Variants in SMG6 observed in about 807,000 individuals in gnomAD.
SMG6 encodes the protein SMG6 nonsense mediated mRNA decay factor, also known as telomerase-binding protein EST1A.
In SMG6, 66 loss-of-function variants were observed where a neutral mutation model predicts 142.2. The ratio of observed to expected loss-of-function variants is 0.46; its 90% confidence interval spans 0.38 to 0.57. SMG6 has a LOEUF of 0.57. Ranked by LOEUF, SMG6 falls within the 20% of genes least tolerant of loss-of-function variation. The pLI, the probability that SMG6 is intolerant of heterozygous loss-of-function variation, is 0.00. For synonymous variants in SMG6, 779 were observed against 702.4 expected, an observed-to-expected ratio of 1.11 and a Z score of -1.72; for missense variants, 1,793 against 1,832.0, an observed-to-expected ratio of 0.98 and a Z score of 0.39.
chr17:2,145,457 C>T (rs915791348), intron 13 of SMG6, among the ~76,000 whole-genome samples: 1 of 151,424 alleles, frequency 6.6e-6, no homozygotes, highest in Non-Finnish European at 1.5e-5. Context: ...GAAGGTTGTT[C>T]AGTGTATCTA....
chr17:2,299,366 G>C lies in SMG6; in HGVS notation c.1387C>G (p.Gln463Glu). ...RRLWDPNNPD[Q>E]KPALKTQTPQ... is the part of the protein sequence containing the mutation. ...GTCTGAGTCTTTAGAGCAGGTTTCT[G>C]ATCAGGATTGTTTGGGTCCCACAAT... The change falls in exon 2 of 19, where the codon CAG becomes GAG. Residue 463 changes from glutamine (Q) to glutamate (E), a missense_variant. Transcript: ENST00000263073. This position sits in a 1 kb window ranked among gnomAD's most constrained non-coding sequence, Gnocchi z 4.3. 1.2e-6 allele frequency: 2 copies of C among 1,614,032 alleles called. No individual in the cohort carries two copies. The highest frequency in any genetic ancestry group is 1.7e-6 in the Non-Finnish European group (2 of 1,180,036).
intron 13 of SMG6, among the ~76,000 whole-genome samples, chr17:2,088,995 C>A (rs185153955): frequency 6.6e-6 from 1 of 152,166 alleles, no homozygotes; most frequent in South Asian, 2.1e-4. Flanking sequence ...TAAGAGACTT[C>A]ATAATGAAAG....
At chr17:2,285,809 G>T (rs901432963) in intron 6 of SMG6, among the ~76,000 whole-genome samples, 4 of 152,128 alleles carry the variant, frequency 2.6e-5, no homozygotes, top group African/African-American at 9.7e-5. Flanking sequence ...GAGTAGCTGG[G>T]ACTACAGGTG....
chr17:2,067,497 T>A (rs1310986694), intron 16 of SMG6, among the ~76,000 whole-genome samples: 1 of 152,148 alleles, frequency 6.6e-6, no homozygotes, highest in East Asian at 1.9e-4. Flanking sequence ...GAGAGACATA[T>A]GACCCGGCAA....
At chr17:2,261,026 G>A (rs1176865561) in intron 8 of SMG6, among the ~76,000 whole-genome samples, 1 of 150,708 alleles carries the variant, frequency 6.6e-6, no homozygotes, top group African/African-American at 2.4e-5. Flanking sequence ...AGAAAAAAAA[G>A]TCGGGCGCGG....
At chr17:2,147,052 A>G (rs955344057) in intron 13 of SMG6, among the ~76,000 whole-genome samples, 2 of 152,196 alleles carry the variant, frequency 1.3e-5, no homozygotes, top group Admixed American at 6.5e-5. Context: ...AAAATCCAAA[A>G]GAAGGTATAT....
At position 2,090,437 on chromosome 17, in the gene SMG6, G is replaced by A. The variant is rs149663709; in HGVS notation, c.3358-4536C>T. Among the ~76,000 whole-genome samples the A allele has an allele frequency of 4.9e-3, 751 of 152,214 alleles. 2 individuals are homozygous for A. The highest frequency in any genetic ancestry group is 0.01 in the Middle Eastern group (3 of 294). ...AGACTTAACACCTCAGGGCAGCCCCGGGGAAGGGAGAAAACCTCCAAATCT... is the reference window on the plus strand; with the variant it reads ...AGACTTAACACCTCAGGGCAGCCCCAGGGAAGGGAGAAAACCTCCAAATCT... On this transcript the variant is annotated intron_variant, in intron 13 of 18. Transcript: ENST00000263073.
chr17:2,150,476 T>C (rs894688197), intron 13 of SMG6, among the ~76,000 whole-genome samples: 11 of 151,880 alleles, frequency 7.2e-5, no homozygotes, highest in Non-Finnish European at 1.0e-4. Flanking sequence ...CCCCATGTCA[T>C]CAGGGGTAGC....
intron 13 of SMG6, among the ~76,000 whole-genome samples, chr17:2,158,568 G>A (rs547204964): frequency 6.6e-6 from 1 of 152,214 alleles, no homozygotes; most frequent in South Asian, 2.1e-4. Flanking sequence ...CTAAATGATG[G>A]CAATTCTAGA....
intron 6 of SMG6, among the ~76,000 whole-genome samples, chr17:2,287,488 T>G (rs2074933351): frequency 1.3e-5 from 2 of 152,182 alleles, no homozygotes; most frequent in Non-Finnish European, 2.9e-5. Flanking sequence ...AACAATATGG[T>G]TGTTCTAAAA....
At chr17:2,134,469 T>C (rs1346841448) in intron 13 of SMG6, among the ~76,000 whole-genome samples, 1 of 136,120 alleles carries the variant, frequency 7.3e-6, no homozygotes, top group Admixed American at 7.3e-5. Flanking sequence ...CCTAGAACTG[T>C]AGTGGAAATC....
At chr17:2,147,046 T>C (rs1421762949) in intron 13 of SMG6, among the ~76,000 whole-genome samples, 2 of 151,878 alleles carry the variant, frequency 1.3e-5, no homozygotes, top group Non-Finnish European at 2.9e-5. Context: ...AGAAAGAAAA[T>C]CCAAAAGAAG....
rs1597674447 is a variant in SMG6, at chr17:2,236,532, C to T, written c.2829G>A (p.Met943Ile). The change falls in exon 10 of 19, where the codon ATG (methionine) becomes ATA (isoleucine). Residue 943 changes from methionine to isoleucine, a missense_variant. Physicochemically the swap from Met to Ile is conservative, Grantham distance 10. This residue lies in a region of SMG6 where 1,597 missense variants were observed against 1,584.6 expected (regional missense o/e 1.01). Coordinates refer to ENST00000263073, the MANE Select transcript of SMG6 (RefSeq NM_017575.5). ...TGTGTACTGCAAACATATTGATGGT[C>T]ATAAGCTGCAGCATGCGGGTACTTC... ...PIGSTRMLQL[M>I]TINMFAVHNS... 3 of 1,613,436 alleles carry T rather than the reference C, an allele frequency of 1.9e-6. No individual in the cohort carries two copies. Among genetic ancestry groups the T allele is most frequent in the Non-Finnish European group, 1.7e-6 (2 of 1,179,754 alleles).
intron 15 of SMG6, among the ~76,000 whole-genome samples, chr17:2,079,173 A>G (rs2068341257): frequency 6.6e-6 from 1 of 152,074 alleles, no homozygotes; most frequent in Non-Finnish European, 1.5e-5. Context: ...CATGTTGGCC[A>G]GGCTGGTCTC....
At chr17:2,264,692 A>T (rs1299170934) in intron 8 of SMG6, among the ~76,000 whole-genome samples, 1 of 152,070 alleles carries the variant, frequency 6.6e-6, no homozygotes, top group East Asian at 1.9e-4. Context: ...GCTTGAGCCC[A>T]GGAGTTTGAG....
chr17:2,294,139 A>T (rs2075098430), intron 4 of SMG6, among the ~76,000 whole-genome samples: 3 of 152,352 alleles, frequency 2.0e-5, no homozygotes, highest in Admixed American at 6.5e-5. Flanking sequence ...TCACTAAGCG[A>T]AATAGCTACT....
intron 9 of SMG6, among the ~76,000 whole-genome samples, chr17:2,241,776 A>T (rs2151296710): frequency 1.3e-5 from 2 of 152,314 alleles, no homozygotes; most frequent in East Asian, 3.9e-4. Flanking sequence ...TTAGAAGTGG[A>T]GGGGAAATCA....
At chr17:2,242,666 A>G (rs150071326) in intron 9 of SMG6, among the ~76,000 whole-genome samples, 4 of 128,122 alleles carry the variant, frequency 3.1e-5, no homozygotes, top group East Asian at 2.4e-4. Flanking sequence ...CAGCCTGGGT[A>G]ACACAGACAG....
chr17:2,146,872 G>T (rs12325821), intron 13 of SMG6, among the ~76,000 whole-genome samples: 56,212 of 151,994 alleles, frequency 0.37, 11,015 homozygotes, highest in Admixed American at 0.44. Context: ...GGCCTAAATT[G>T]TATTTTTATA....
Sources: allele counts gnomAD v4.1 joint callset (sites outside exome capture counted in the v4.1 genomes callset), GRCh38; gene constraint gnomAD v4.1.1; regional missense constraint gnomAD v4.1.1; non-coding constraint Gnocchi (gnomAD v3.1); transcripts MANE v1.5; gene names NCBI Gene and HGNC (gene_info 2026-07-23, HGNC 2026-07-21).